The following BCL2L13 variants were observed in gnomAD, a reference collection of about 807,000 sequenced individuals.
The protein encoded by BCL2L13 is BCL2 like 13, also known as bcl-2-like protein 13.
In BCL2L13, 13 loss-of-function variants were observed where a neutral mutation model predicts 25.8. The ratio of observed to expected loss-of-function variants is 0.50; its 90% CI spans 0.33 to 0.80. The LOEUF (loss-of-function observed/expected upper bound fraction) is 0.80. BCL2L13 is among the 30% of genes least tolerant of loss of function. The probability of loss-of-function intolerance (pLI) is 0.02; values close to 1 mark genes in which losing one functional copy is unlikely to be tolerated. For missense variants in BCL2L13, 504 were observed against 574.9 expected (o/e 0.88, Z 1.26); for synonymous variants, 244 against 230.3 (o/e 1.06, Z -0.54).
chr22:17,631,593 G>T (rs902028755), intron 1 of BCL2L13, among the ~76,000 whole-genome samples: 8 of 140,562 alleles, frequency 5.7e-5, no homozygotes, highest in African/African-American at 2.1e-4. Flanking sequence ...CGAACTCCTG[G>T]GCTCAGGGGA....
At chr22:17,642,060 A>G (rs1406658646) in intron 1 of BCL2L13, among the ~76,000 whole-genome samples, 1 of 151,144 alleles carries the variant, frequency 6.6e-6, no homozygotes, top group Non-Finnish European at 1.5e-5. Flanking sequence ...CGGCCTCCCA[A>G]AGTGCTGGGA....
At chr22:17,669,438 G>T in intron 2 of BCL2L13, among the ~76,000 whole-genome samples, 1 of 152,180 alleles carries the variant, frequency 6.6e-6, no homozygotes, top group South Asian at 2.1e-4. Flanking sequence ...GCTCATGTGT[G>T]CAGAGATCAC....
At chr22:17,656,582 A>T (rs113464802) in intron 2 of BCL2L13, among the ~76,000 whole-genome samples, 7,970 of 151,642 alleles carry the variant, frequency 0.053, 344 homozygotes, top group African/African-American at 0.12. Flanking sequence ...TCTGGACCTC[A>T]GGTGATCGCC....
chr22:17,653,817 C>T (rs1181665696), intron 1 of BCL2L13, among the ~76,000 whole-genome samples: 2 of 150,124 alleles, frequency 1.3e-5, no homozygotes, highest in Admixed American at 6.6e-5. Flanking sequence ...ATATCTATAG[C>T]CATTTTATTT....
chr22:17,706,925 T>C, intron 6 of BCL2L13: 1 of 911,440 alleles, frequency 1.1e-6, no homozygotes, highest in Non-Finnish European at 1.6e-6. Context: ...GGGAATGTCA[T>C]CTGTCTATTG....
intron 1 of BCL2L13, among the ~76,000 whole-genome samples, chr22:17,631,695 TATATATATATA>T (rs1293647957): frequency 2.0e-4 from 10 of 49,564 alleles, no homozygotes; most frequent in South Asian, 1.1e-3. Context: ...TATATATATA[TATATATATATA>T]TTTTTTTTTT....
At chr22:17,697,165 G>T (rs555729933) in intron 5 of BCL2L13, among the ~76,000 whole-genome samples, 1 of 152,006 alleles carries the variant, frequency 6.6e-6, no homozygotes, top group South Asian at 2.1e-4. Context: ...TCGGCCGGGT[G>T]CAGTGGCTCA....
At position 17,656,335 on chromosome 22, in the gene BCL2L13, C is replaced by CTTTTTTTTTTTTTTTTTT. The variant is rs890631679; in HGVS notation, c.121+519_121+536dup. ...CAAAAGTATTTTTTTTCATTTTATT[C>CTTTTTTTTTTTTTTTTTT]TTTTTTTTTTTTTTTTTTTTTTTTT... On this transcript the variant is annotated intron_variant, in intron 2 of 6. Transcript: ENST00000317582. Among the ~76,000 whole-genome samples, 5 of 57,882 alleles carry CTTTTTTTTTTTTTTTTTT rather than the reference C, an allele frequency of 8.6e-5. 1 individual carries two copies. Among genetic ancestry groups the CTTTTTTTTTTTTTTTTTT allele is most frequent in the African/African-American group, 8.5e-5 (1 of 11,814 alleles). 38.0% of individuals were successfully genotyped at this position (57,882 alleles called of 152,430 possible).
intron 6 of BCL2L13, among the ~76,000 whole-genome samples, chr22:17,703,947 T>G (rs2060515273): frequency 6.6e-6 from 1 of 152,212 alleles, no homozygotes; most frequent in Non-Finnish European, 1.5e-5. Context: ...TGCACTCCCT[T>G]CTCAACTTTC....
chr22:17,650,403 T>G (rs1177641747), intron 1 of BCL2L13, among the ~76,000 whole-genome samples: 1 of 152,184 alleles, frequency 6.6e-6, no homozygotes, highest in East Asian at 1.9e-4. Flanking sequence ...TACCAGTATT[T>G]TTGAACATGT....
rs1404965371 is a variant in BCL2L13, at chr22:17,646,950, TATATA to T, written c.-51+8065_-51+8069del. 9.6e-4 allele frequency among the ~76,000 whole-genome samples: 37 copies of T among 38,720 alleles called. 1 individual carries two copies. Among genetic ancestry groups the T allele is most frequent in the African/African-American group, 3.7e-3 (30 of 8,124 alleles). The allele number at this position is 38,720 out of a possible 152,430, so 25.4% of individuals were successfully genotyped here. On this transcript the variant is annotated intron_variant, in intron 1 of 6. Transcript: ENST00000317582. Reference sequence around the variant, plus strand: ...TAAACTACATATATATATATATATATATATATTTTTTTTTTTTTTTTTTTTTTTTC... The same window carrying T: ...TAAACTACATATATATATATATATATTTTTTTTTTTTTTTTTTTTTTTTTC...
chr22:17,701,563 T>G (rs2060435815), intron 5 of BCL2L13, among the ~76,000 whole-genome samples: 1 of 151,756 alleles, frequency 6.6e-6, no homozygotes, highest in South Asian at 2.1e-4. Flanking sequence ...AACTATATAT[T>G]TTACTGGATG....
In BCL2L13 at chr22:17,667,440, G is replaced by A. The variant is rs555296914; in HGVS notation, c.121+11608G>A. 2.0e-5 allele frequency among the ~76,000 whole-genome samples: 3 copies of A among 152,194 alleles called. No individual in the cohort carries two copies. The East Asian group carries it at 5.8e-4, about 29-fold the overall frequency. On this transcript the variant is annotated intron_variant, in intron 2 of 6. Transcript: ENST00000317582. ...CCCGCCTTGGCCTCCCAAAGTGCTG[G>A]AATTACAGGCGTGAGCCACCGCACT... is the stretch of plus-strand genomic sequence containing the variant.
At chr22:17,637,347 C>T (rs567935916), upstream of BCL2L13, among the ~76,000 whole-genome samples, 133 of 149,120 alleles carry the variant, frequency 8.9e-4, no homozygotes, top group African/African-American at 3.3e-3. Context: ...GCAGAGGTTG[C>T]AGTGAGCTGA....
intron 6 of BCL2L13, among the ~76,000 whole-genome samples, chr22:17,714,210 G>A (rs1355361910): frequency 2.6e-5 from 4 of 151,822 alleles, no homozygotes; most frequent in East Asian, 1.9e-4. Context: ...GGAGAAAGGC[G>A]TGAACCCGGG....
rs2061369689 is a variant in BCL2L13, at chr22:17,729,597, T to G, written c.*2063T>G. On this transcript the variant is annotated 3_prime_UTR_variant, in exon 7 of 7. Transcript: ENST00000317582. Reference sequence around the variant, plus strand: ...ATTCAAGCACCAATCGAAGCCAGGTTCATCTCTGAGCTGCTGAAAGGAGGT... The same window carrying G: ...ATTCAAGCACCAATCGAAGCCAGGTGCATCTCTGAGCTGCTGAAAGGAGGT... 6.6e-6 allele frequency: 1 copy of G among 152,236 alleles called. No homozygotes were observed. The highest frequency in any genetic ancestry group is 2.1e-4 in the South Asian group (1 of 4,834). 9.4% of individuals were successfully genotyped at this position (152,236 alleles called of 1,614,324 possible). A position where few individuals can be genotyped will look rare whatever the true frequency, so the allele number is the denominator to read the frequency against.
intron 6 of BCL2L13, among the ~76,000 whole-genome samples, chr22:17,704,437 A>G (rs2060530247): frequency 1.3e-5 from 2 of 151,934 alleles, no homozygotes; most frequent in Admixed American, 6.6e-5. Flanking sequence ...TCCAATCTGT[A>G]TTTCACATTG....
intron 6 of BCL2L13, among the ~76,000 whole-genome samples, chr22:17,713,234 T>C (rs999559058): frequency 1.4e-4 from 22 of 152,282 alleles, no homozygotes; most frequent in African/African-American, 5.1e-4. Flanking sequence ...CATTTCTCTC[T>C]TCAACATAAG....
chr22:17,716,310 G>T (rs1326820290), intron 6 of BCL2L13, among the ~76,000 whole-genome samples: 1 of 152,190 alleles, frequency 6.6e-6, no homozygotes, highest in Non-Finnish European at 1.5e-5. Flanking sequence ...GCTGCTTTGT[G>T]TGAAAGCACA....
Sources: allele counts gnomAD v4.1 joint callset (sites outside exome capture counted in the v4.1 genomes callset), GRCh38; gene constraint gnomAD v4.1.1; transcripts MANE v1.5; gene names NCBI Gene and HGNC (gene_info 2026-07-23, HGNC 2026-07-21).